Variants in STK39 observed in about 807,000 individuals in gnomAD.
STK39 encodes STE20/SPS1-related proline-alanine-rich protein kinase.
A neutral mutation model predicts 77.8 loss-of-function variants in STK39; 20 were observed. The ratio of observed to expected loss-of-function variants is 0.26; its 90% CI spans 0.18 to 0.37. The LOEUF is 0.37. Ranked by LOEUF, STK39 falls within the 10% of genes least tolerant of loss-of-function variation. STK39 has a pLI of 1.00. For missense variants in STK39, 479 were observed against 656.5 expected (o/e 0.73, Z 2.95); for synonymous variants, 246 against 234.1 (o/e 1.05, Z -0.47).
intron 14 of STK39, among the ~76,000 whole-genome samples, chr2:168,057,534 T>C (rs1685556837): frequency 6.6e-6 from 1 of 151,604 alleles, no homozygotes; most frequent in African/African-American, 2.4e-5. Context: ...TTAATTATAA[T>C]CACACGCACG....
At chr2:168,094,141 G>C (rs1187580730) in intron 10 of STK39, among the ~76,000 whole-genome samples, 3 of 152,158 alleles carry the variant, frequency 2.0e-5, no homozygotes, top group Non-Finnish European at 4.4e-5. Flanking sequence ...CTGATGCTCA[G>C]TGGTTGTTTC....
chr2:168,022,969 C>T (rs1267567275), intron 14 of STK39, among the ~76,000 whole-genome samples: 2 of 152,174 alleles, frequency 1.3e-5, no homozygotes, highest in Non-Finnish European at 2.9e-5. Flanking sequence ...CCAGGTAGTA[C>T]AGTGGCACAC....
At chr2:168,092,549 T>C (rs1686551454) in intron 10 of STK39, among the ~76,000 whole-genome samples, 1 of 152,242 alleles carries the variant, frequency 6.6e-6, no homozygotes, top group Non-Finnish European at 1.5e-5. Flanking sequence ...TATATGTATA[T>C]TCTCACACAG....
At chr2:168,032,275 AT>A (rs953565839) in intron 14 of STK39, among the ~76,000 whole-genome samples, 1 of 152,158 alleles carries the variant, frequency 6.6e-6, no homozygotes, top group African/African-American at 2.4e-5. Context: ...AATAAAGCTG[AT>A]TTTTGTGTAT....
At position 168,086,402 on chromosome 2, in the gene STK39, T is replaced by C. The variant is rs114578068; in HGVS notation, c.1090-11171A>G. 7.9e-3 allele frequency among the ~76,000 whole-genome samples: 1,199 copies of C among 152,350 alleles called. 15 individuals carry two copies. The highest frequency in any genetic ancestry group is 0.026 in the African/African-American group (1,093 of 41,574). The stretch of plus-strand genomic sequence containing the variant: ...GAAAAATGCCCATTTCTATTAATCA[T>C]AGGCAAGTGGCAAGAGCTAAATATT... On this transcript the variant is annotated intron_variant, in intron 10 of 17. Transcript: ENST00000355999.
At chr2:168,063,300 G>C (rs1051633124) in intron 14 of STK39, among the ~76,000 whole-genome samples, 200 bp downstream of exon 14, 1 of 152,158 alleles carries the variant, frequency 6.6e-6, no homozygotes, top group African/African-American at 2.4e-5. Context: ...CTCATATGGT[G>C]CTTTTCTTTC....
chr2:168,236,828 A>G (rs1014697487), intron 1 of STK39, among the ~76,000 whole-genome samples: 1 of 152,150 alleles, frequency 6.6e-6, no homozygotes, highest in Non-Finnish European at 1.5e-5. Context: ...TGGTACCAGT[A>G]CCATGCTGTT....
At chr2:168,062,184 A>T (rs1404907622) in intron 14 of STK39, among the ~76,000 whole-genome samples, 2 of 152,186 alleles carry the variant, frequency 1.3e-5, no homozygotes, top group Non-Finnish European at 2.9e-5. Context: ...AGTGGGCTAG[A>T]CTAAAACCTT....
chr2:168,032,150 G>A (rs1183788423), intron 14 of STK39, among the ~76,000 whole-genome samples: 1 of 152,218 alleles, frequency 6.6e-6, no homozygotes, highest in Non-Finnish European at 1.5e-5. Flanking sequence ...ACTCCACCAT[G>A]AAGGATATAT....
chr2:168,229,322 T>C (rs553892085), intron 1 of STK39, among the ~76,000 whole-genome samples: 14 of 151,262 alleles, frequency 9.3e-5, no homozygotes, highest in African/African-American at 3.2e-4. Context: ...GAGGCGGAGG[T>C]TGCAGTAAGC....
In STK39 at chr2:168,167,318, G is replaced by A. The variant is rs766237726; in HGVS notation, c.411C>T (p.Val137=). Residue 137 remains valine (V), a synonymous_variant, in exon 3 of 18, where the codon GTC becomes GTT. Transcript: ENST00000355999. ...SFVVKDELWL[V]MKLLSGGSML... ...ACTTACCTCCACTTAGTAATTTCAT[G>A]ACCAGCCAAAGTTCATCTTTGACCA... 1 of 1,613,508 alleles carries A rather than the reference G, an allele frequency of 6.2e-7. No individual in the cohort carries two copies. Among genetic ancestry groups the A allele is most frequent in the Non-Finnish European group, 8.5e-7 (1 of 1,179,634 alleles).
Position 168,114,567 on chromosome 2 carries a change from AG to A in STK39, c.1089+14973del, listed in dbSNP as rs1443242612. On this transcript the variant is annotated intron_variant, in intron 10 of 17. Coordinates refer to ENST00000355999, the MANE Select transcript of STK39 (RefSeq NM_013233.3). ...ATGTGATTACATGAGGTTCAAAACC[AG>A]CCCAGGGCCAGTGAGGCTGTAATCT... Among the ~76,000 whole-genome samples, 5 of 152,354 alleles carry A rather than the reference AG, an allele frequency of 3.3e-5. No homozygotes were observed. In the East Asian group the frequency reaches 9.6e-4, roughly 29 times the overall value.
At chr2:168,209,305 T>C (rs1689821828) in intron 1 of STK39, among the ~76,000 whole-genome samples, 1 of 152,164 alleles carries the variant, frequency 6.6e-6, no homozygotes, top group Admixed American at 6.5e-5. Flanking sequence ...AACATGTATT[T>C]TGGGGAAAAA....
intron 5 of STK39, among the ~76,000 whole-genome samples, chr2:168,143,120 A>G (rs77221276): frequency 0.026 from 3,957 of 152,286 alleles, 137 homozygotes; most frequent in Admixed American, 0.094. Context: ...AAGGCTACAC[A>G]TAAAGTTAGC....
In STK39 at chr2:168,113,842, G is replaced by A. The variant is rs114971256; in HGVS notation, c.1089+15699C>T. On this transcript the variant is annotated intron_variant, in intron 10 of 17. Transcript: ENST00000355999. ...ATGAAGCTTCTGTCAGGAAAAGGGG[G>A]ACAGGCAAATATCTCTTGATAAGGT... Among the ~76,000 whole-genome samples, 444 of 152,288 alleles carry A rather than the reference G, an allele frequency of 2.9e-3. 4 individuals carry two copies. The highest frequency in any genetic ancestry group is 9.3e-3 in the African/African-American group (385 of 41,556).
intron 1 of STK39, among the ~76,000 whole-genome samples, chr2:168,232,512 G>A (rs1000901662): frequency 6.6e-6 from 1 of 152,158 alleles, no homozygotes. Flanking sequence ...ACTTTTACCT[G>A]TCCTAGTCAC....
intron 5 of STK39, among the ~76,000 whole-genome samples, chr2:168,158,836 A>C (rs950061494): frequency 1.3e-5 from 2 of 152,224 alleles, no homozygotes; most frequent in African/African-American, 4.8e-5. Flanking sequence ...CACTCAAGAC[A>C]CATTAGTTCC....
At chr2:168,061,554 T>A (rs756696197) in intron 14 of STK39, among the ~76,000 whole-genome samples, 163 of 152,210 alleles carry the variant, frequency 1.1e-3, no homozygotes, top group Non-Finnish European at 1.8e-3. Flanking sequence ...TAGAACCCTT[T>A]CTTCCTGGAG....
chr2:168,076,863 T>C (rs570265948), intron 10 of STK39, among the ~76,000 whole-genome samples: 1 of 152,186 alleles, frequency 6.6e-6, no homozygotes, highest in Non-Finnish European at 1.5e-5. Flanking sequence ...ATGGTGCTTA[T>C]AGATGTTGGC....
Sources: gnomAD v4.1 joint callset for allele counts (sites outside exome capture counted in the v4.1 genomes callset) on GRCh38, gnomAD v4.1.1 for gene constraint, MANE v1.5 for transcripts, NCBI Gene and HGNC (gene_info 2026-07-23, HGNC 2026-07-21) for gene names.